RASSF2: variants seen among roughly 807,000 people sequenced by gnomAD.
RASSF2 encodes ras association domain-containing protein 2.
In RASSF2, 34 loss-of-function variants were observed where a neutral mutation model predicts 46.3. That is an observed-to-expected ratio of 0.73 (90% CI 0.56 to 0.98). The LOEUF (loss-of-function observed/expected upper bound fraction) is 0.98. RASSF2 is among the 50% of genes least tolerant of loss of function. The pLI is 0.00. For synonymous variants in RASSF2, 158 were observed against 162.5 expected (o/e 0.97, Z 0.21); for missense variants, 364 against 431.2 (o/e 0.84, Z 1.38).
At chr20:4,806,339 C>T (rs570739697) in intron 2 of RASSF2, among the ~76,000 whole-genome samples, 12 of 152,338 alleles carry the variant, frequency 7.9e-5, no homozygotes, top group East Asian at 5.8e-4. Context: ...ATCAGGTGAA[C>T]GGTGCCTGCT....
At chr20:4,808,636 G>A (rs1024331122) in intron 2 of RASSF2, among the ~76,000 whole-genome samples, 9 of 151,818 alleles carry the variant, frequency 5.9e-5, no homozygotes, top group Non-Finnish European at 1.2e-4. Context: ...ACAGGTACAC[G>A]CCACCATACC....
In RASSF2 at chr20:4,801,027, C is replaced by T. The variant is rs765992072; in HGVS notation, c.4G>A (p.Asp2Asn). The T allele has an allele frequency of 6.2e-7, 1 of 1,613,770 alleles. No individual in the cohort carries two copies. The highest frequency in any genetic ancestry group is 1.7e-5 in the Admixed American group (1 of 60,026). M[D>N]YSHQTSLVPC... ...ACTAGGGACGTTTGGTGGCTGTAGT[C>T]CATTCTTCCTTTCTCTTTTCATCGG... The change falls in exon 3 of 12, where the codon GAC becomes AAC. Residue 2 changes from aspartate (D) to asparagine (N), a missense_variant. Physicochemically the swap from Asp to Asn is conservative, Grantham distance 23 (BLOSUM62 1). Coordinates refer to ENST00000379400, the MANE Select transcript of RASSF2 (RefSeq NM_014737.3).
At chr20:4,807,663 T>G (rs1250049831) in intron 2 of RASSF2, among the ~76,000 whole-genome samples, 1 of 152,248 alleles carries the variant, frequency 6.6e-6, no homozygotes, top group Admixed American at 6.5e-5. Context: ...TCTCTACCTG[T>G]TGGGTGATCT....
At chr20:4,791,418 T>C (rs530437209) in intron 6 of RASSF2, among the ~76,000 whole-genome samples, 1 of 152,314 alleles carries the variant, frequency 6.6e-6, no homozygotes, top group African/African-American at 2.4e-5. Context: ...GTAAACGTTA[T>C]GTTATGTATA....
Position 4,784,294 on chromosome 20 carries a change from G to A in RASSF2, c.960C>T (p.Ala320=), listed in dbSNP as rs750302235. The change falls in exon 12 of 12, where the codon GCC becomes GCT. Residue 320 remains alanine (A), a synonymous_variant. Transcript: ENST00000379400. ...TGGCTCAGATTGTTGCTGGGGTCTC[G>A]GCTATCTCCTCCAGCCTCTGTCGAA... ...LMIRQRLEEI[A]ETPATI 4.3e-5 allele frequency: 70 copies of A among 1,613,742 alleles called. No individual in the cohort carries two copies. The highest frequency in any genetic ancestry group is 5.5e-5 in the South Asian group (5 of 91,070).
intron 2 of RASSF2, chr20:4,815,264 C>G (rs1189875237): frequency 6.6e-6 from 1 of 152,486 alleles, no homozygotes; most frequent in African/African-American, 2.4e-5. Flanking sequence ...CTCAGCAGCC[C>G]CCCAACTACG....
intron 2 of RASSF2, among the ~76,000 whole-genome samples, chr20:4,802,735 AAG>A (rs1238366456): frequency 6.6e-6 from 1 of 151,986 alleles, no homozygotes; most frequent in Non-Finnish European, 1.5e-5. Flanking sequence ...GTGCAAAAGG[AAG>A]AGAGTTCTGG....
chr20:4,822,512 G>A (rs894047379), intron 1 of RASSF2, 109 bp from the exon 2 acceptor site: 10 of 152,346 alleles, frequency 6.6e-5, no homozygotes, highest in Non-Finnish European at 1.2e-4. Flanking sequence ...CGCCCGAGGT[G>A]AAACAGAACC....
intron 2 of RASSF2, among the ~76,000 whole-genome samples, chr20:4,811,183 CAAAAAATA>C (rs978004729): frequency 4.0e-5 from 3 of 74,732 alleles, no homozygotes; most frequent in African/African-American, 1.3e-4. Flanking sequence ...CCCATCTCTA[CAAAAAATA>C]AAAAAATAAA....
At chr20:4,814,800 G>C (rs1164968090) in intron 2 of RASSF2, among the ~76,000 whole-genome samples, 1 of 152,212 alleles carries the variant, frequency 6.6e-6, no homozygotes, top group East Asian at 1.9e-4. Flanking sequence ...TGGCACATCG[G>C]GGGGTTTCCA....
intron 2 of RASSF2, among the ~76,000 whole-genome samples, chr20:4,804,317 A>AG (rs1927156143): frequency 6.6e-6 from 1 of 151,712 alleles, no homozygotes; most frequent in African/African-American, 2.4e-5. Context: ...ACGCGCAAAA[A>AG]GAAAAAAAGG....
intron 11 of RASSF2, 79 bp from the exon 12 acceptor site, chr20:4,784,421 A>T: frequency 7.4e-7 from 1 of 1,357,818 alleles, no homozygotes; most frequent in Non-Finnish European, 1.1e-6. Flanking sequence ...CACCTGGGTA[A>T]CACCAAGGTC....
rs547200958 is a variant in RASSF2, at chr20:4,785,026, T to G, written c.912-684A>C. On this transcript the variant is annotated intron_variant, in intron 11 of 11. Transcript: ENST00000379400. ...GCTATTTTTAAAGTTTAGGACATAG[T>G]TGGCTGGGCATGGTGGCTCACGCCT... Among the ~76,000 whole-genome samples the G allele has an allele frequency of 7.9e-5, 12 of 152,084 alleles. No individual in the cohort carries two copies. The South Asian group carries it at 2.3e-3, about 29-fold the overall frequency.
intron 2 of RASSF2, among the ~76,000 whole-genome samples, chr20:4,801,544 A>T (rs2122561834): frequency 6.6e-6 from 1 of 152,160 alleles, no homozygotes; most frequent in African/African-American, 2.4e-5. Flanking sequence ...AATGTGAAAG[A>T]CAATTTAATT....
rs1184023573 is a variant in RASSF2 at position 4,790,867 on chromosome 20, C to T, written c.377-256G>A. ...TCCATGATTGCCATATATCACTAACCTCTCTGTGCCTCGGTGCTTTTATAT... is the reference window on the plus strand; with the variant it reads ...TCCATGATTGCCATATATCACTAACTTCTCTGTGCCTCGGTGCTTTTATAT... On this transcript the variant is annotated intron_variant, in intron 6 of 11. Coordinates refer to ENST00000379400, the MANE Select transcript of RASSF2 (RefSeq NM_014737.3). This position sits in a 1 kb window ranked among gnomAD's most constrained non-coding sequence, Gnocchi z 4.3. 6.6e-6 allele frequency among the ~76,000 whole-genome samples: 1 copy of T among 152,180 alleles called. No homozygotes were observed. Among genetic ancestry groups the T allele is most frequent in the Admixed American group, 6.5e-5 (1 of 15,280 alleles).
intron 2 of RASSF2, among the ~76,000 whole-genome samples, chr20:4,817,954 G>T (rs1928427880): frequency 6.6e-6 from 1 of 152,188 alleles, no homozygotes; most frequent in Non-Finnish European, 1.5e-5. Context: ...GAGAACCAGA[G>T]TCTCACAGCA....
At chr20:4,792,383 G>A (rs1925963052) in intron 6 of RASSF2, among the ~76,000 whole-genome samples, 156 bp downstream of exon 6, 1 of 152,150 alleles carries the variant, frequency 6.6e-6, no homozygotes, top group Non-Finnish European at 1.5e-5. Flanking sequence ...GATGCTTCTA[G>A]GTGGGTGGAT....
intron 6 of RASSF2, among the ~76,000 whole-genome samples, chr20:4,791,610 A>C (rs1000801171): frequency 6.6e-6 from 1 of 152,198 alleles, no homozygotes; most frequent in Non-Finnish European, 1.5e-5. Flanking sequence ...TATAAAAAAG[A>C]TTTTGCAAAC....
chr20:4,796,660 T>C (rs754313364), intron 4 of RASSF2, among the ~76,000 whole-genome samples: 61 of 152,338 alleles, frequency 4.0e-4, no homozygotes, highest in Non-Finnish European at 3.4e-4. Flanking sequence ...TAATTAGACA[T>C]TAAATGTAAA....
Sources: allele counts gnomAD v4.1 joint callset (sites outside exome capture counted in the v4.1 genomes callset), GRCh38; gene constraint gnomAD v4.1.1; non-coding constraint Gnocchi (gnomAD v3.1); transcripts MANE v1.5; gene names NCBI Gene and HGNC (gene_info 2026-07-23, HGNC 2026-07-21).